The following PRDM1 variants were observed in gnomAD, a reference collection of about 807,000 sequenced individuals.
The protein encoded by PRDM1 is PR domain zinc finger protein 1.
Under a neutral mutation model 62.8 loss-of-function variants are expected in PRDM1, and 13 were observed. The observed-to-expected ratio is 0.21, with a 90% confidence interval of 0.13 to 0.33. The LOEUF (loss-of-function observed/expected upper bound fraction) is 0.33. Ranked by LOEUF, PRDM1 falls within the 10% of genes least tolerant of loss-of-function variation. The pLI, the probability that PRDM1 is intolerant of heterozygous loss-of-function variation, is 1.00. For synonymous variants in PRDM1, 396 were observed against 417.6 expected (o/e 0.95, Z 0.63); for missense variants, 895 against 1,058.8 (o/e 0.85, Z 2.15).
rs181318154 is a variant in PRDM1 at position 106,052,003 on chromosome 6, A to C, written c.-67+3289A>C. ...CAAGTTCATAGACACAGAAAGTAGA[A>C]TAGAGGTTACCAGGGACTAGGGGTA... On this transcript the variant is annotated intron_variant, in intron 1 of 6. Coordinates refer to the PRDM1 transcript ENST00000651185. 1.2e-3 allele frequency among the ~76,000 whole-genome samples: 181 copies of C among 152,338 alleles called. 1 individual carries two copies. Among genetic ancestry groups the C allele is most frequent in the Non-Finnish European group, 1.7e-3 (118 of 68,028 alleles).
At position 106,105,173 on chromosome 6, in the gene PRDM1, C is replaced by G. The variant is rs1467532151; in HGVS notation, c.1013C>G (p.Ser338Cys). Residue 338 changes from serine (S) to cysteine (C), a missense_variant, in exon 5 of 7, where the codon TCT (serine) becomes TGT (cysteine). Coordinates refer to ENST00000369096, the MANE Select transcript of PRDM1 (RefSeq NM_001198.4). ...CCATCCTCCACCACTCCAAGCCCCT[C>G]TGCAAGAAGCAGCCCCGACCAAAGC... ...PIPSSTTPSP[S>C]ARSSPDQSLK... The G allele has an allele frequency of 6.2e-7, 1 of 1,613,298 alleles. No individual in the cohort carries two copies. Among genetic ancestry groups the G allele is most frequent in the Non-Finnish European group, 8.5e-7 (1 of 1,179,744 alleles).
chr6:106,039,552 C>T (rs764639692), intron 1 of PRDM1, among the ~76,000 whole-genome samples: 8 of 152,100 alleles, frequency 5.3e-5, no homozygotes, highest in Non-Finnish European at 1.0e-4. Context: ...GTCTATATTC[C>T]TAAACCCACT....
intron 1 of PRDM1, among the ~76,000 whole-genome samples, chr6:106,051,674 CA>C (rs1460713192): frequency 6.6e-6 from 1 of 152,112 alleles, no homozygotes; most frequent in Non-Finnish European, 1.5e-5. Context: ...GAGTAGGCCA[CA>C]ACAAGGCTTG....
chr6:106,099,492 C>G lies in PRDM1; in HGVS notation c.604C>G (p.Arg202Gly). 6.2e-7 allele frequency: 1 copy of G among 1,614,106 alleles called. No homozygotes were observed. Among genetic ancestry groups the G allele is most frequent in the Non-Finnish European group, 8.5e-7 (1 of 1,180,010 alleles). The change falls in exon 4 of 7, where the codon CGG becomes GGG. Residue 202 changes from arginine (R) to glycine (G), a missense_variant. Arg to Gly is a moderately radical substitution (Grantham distance 125). Around this residue, in one of 4 missense-constraint regions of PRDM1, gnomAD observed 213 missense variants for 283.9 expected, o/e 0.75. Coordinates refer to ENST00000369096, the MANE Select transcript of PRDM1 (RefSeq NM_001198.4). ...CCAGGAACTTCTTGTGTGGTATTGT[C>G]GGGACTTTGCAGAAAGGCTTCACTA... Reference protein sequence around the residue: ...ANQELLVWYCRDFAERLHYPY... With the variant: ...ANQELLVWYCGDFAERLHYPY...
intron 3 of PRDM1, among the ~76,000 whole-genome samples, chr6:106,097,557 A>T (rs1395445991): frequency 6.6e-6 from 1 of 152,228 alleles, no homozygotes; most frequent in Non-Finnish European, 1.5e-5. Context: ...AACCAGTGAC[A>T]TTTCTTGTAA....
intron 1 of PRDM1, among the ~76,000 whole-genome samples, chr6:106,013,420 C>T (rs1423690716): frequency 1.3e-5 from 2 of 151,712 alleles, no homozygotes; most frequent in African/African-American, 2.4e-5. Flanking sequence ...CTCCACCTCC[C>T]GGGTTCAAGC....
Position 106,053,160 on chromosome 6 carries a change from T to C in PRDM1, c.-67+4446T>C, listed in dbSNP as rs182366016. On this transcript the variant is annotated intron_variant, in intron 1 of 6. Coordinates refer to the PRDM1 transcript ENST00000651185. The stretch of plus-strand genomic sequence containing the variant: ...GGGAAACTGGACTCAATTTCATTTC[T>C]GCCTTCATCCGATAATTTTTATTTA... 4.6e-5 allele frequency among the ~76,000 whole-genome samples: 7 copies of C among 152,342 alleles called. No homozygotes were observed. The East Asian group carries it at 1.3e-3, about 29-fold the overall frequency.
intron 2 of PRDM1, among the ~76,000 whole-genome samples, chr6:106,090,314 A>G (rs755210419): frequency 6.6e-6 from 1 of 152,232 alleles, no homozygotes; most frequent in Non-Finnish European, 1.5e-5. Context: ...AAAACAGACA[A>G]TGCCTGTGTT....
Position 106,088,237 on chromosome 6 carries a change from C to T in PRDM1, c.79C>T (p.Gln27Ter), listed in dbSNP as rs1354434149. 3.1e-6 allele frequency: 5 copies of T among 1,613,606 alleles called. No homozygotes were observed. The highest frequency in any genetic ancestry group is 1.7e-5 in the Admixed American group (1 of 59,952). Residue 27 changes from glutamine (Q) to a stop codon, truncating the protein, a stop_gained, in exon 2 of 7, where the codon CAG (glutamine) becomes TAG (stop). Coordinates refer to ENST00000369096, the MANE Select transcript of PRDM1 (RefSeq NM_001198.4). LOFTEE classifies it high-confidence loss of function. ...GTGTAACTCCAGCACTGTGAGGTTT[C>T]AGGGATTGGCAGAGGGGACCAAGGG... ...PKCNSSTVRF[Q>*]GLAEGTKGTM...
chr6:106,058,120 A>G (rs1773292383), intron 1 of PRDM1, among the ~76,000 whole-genome samples: 1 of 152,266 alleles, frequency 6.6e-6, no homozygotes, highest in East Asian at 1.9e-4. Flanking sequence ...TCAACTCTCA[A>G]ATGACTCTTG....
At position 106,061,375 on chromosome 6, in the gene PRDM1, T is replaced by C. The variant is rs1430975300; in HGVS notation, c.-67+12661T>C. On this transcript the variant is annotated intron_variant, in intron 1 of 6. Coordinates refer to the PRDM1 transcript ENST00000651185. ...GCCTTCCAGCAGTTCAGCAGTTAGA[T>C]GGTTCCACTGATCCGGACTGAGTGC... is the stretch of plus-strand genomic sequence containing the variant. Among the ~76,000 whole-genome samples the C allele has an allele frequency of 2.0e-5, 3 of 151,262 alleles. No homozygotes were observed. In the East Asian group the frequency reaches 5.9e-4, roughly 30 times the overall value.
chr6:106,021,782 G>T (rs150335773), intron 1 of PRDM1, among the ~76,000 whole-genome samples: 1 of 151,932 alleles, frequency 6.6e-6, no homozygotes, highest in East Asian at 1.9e-4. Flanking sequence ...CACCACGCCC[G>T]GCTAATTTTG....
At chr6:105,999,918 AT>A (rs1320893321) in intron 1 of PRDM1, among the ~76,000 whole-genome samples, 2 of 152,022 alleles carry the variant, frequency 1.3e-5, no homozygotes, top group Non-Finnish European at 2.9e-5. Flanking sequence ...CAGTGGCGCC[AT>A]CTCGGCTCAC....
intron 1 of PRDM1, among the ~76,000 whole-genome samples, chr6:106,031,469 G>A (rs1772843477): frequency 1.3e-5 from 2 of 152,196 alleles, no homozygotes; most frequent in South Asian, 4.1e-4. Context: ...AAATGAGGAT[G>A]TTGGGGAATT....
intron 1 of PRDM1, among the ~76,000 whole-genome samples, chr6:106,042,805 C>T (rs150877667): frequency 6.3e-4 from 96 of 152,260 alleles, no homozygotes; most frequent in African/African-American, 2.2e-3. Context: ...CTTCATCCAA[C>T]GTTACTTCAC....
intron 1 of PRDM1, among the ~76,000 whole-genome samples, chr6:106,049,642 A>G (rs1016768965): frequency 6.6e-6 from 1 of 152,100 alleles, no homozygotes; most frequent in Non-Finnish European, 1.5e-5. Context: ...CTTCTGTGGC[A>G]TCTATCATTT....
At chr6:105,993,474 C>T (rs1772308250) in exon 1 of PRDM1, among the ~76,000 whole-genome samples, 1 of 152,156 alleles carries the variant, frequency 6.6e-6, no homozygotes, top group Non-Finnish European at 1.5e-5. Flanking sequence ...CTCGGGAAAG[C>T]TTAGTTTGCA....
rs149556668 is a variant in PRDM1 at position 106,107,234 on chromosome 6, C to T, written c.2226C>T (p.Leu742=). The change falls in exon 7 of 7, where the codon CTC becomes CTT. Residue 742 remains leucine (L), a synonymous_variant. Coordinates refer to ENST00000369096, the MANE Select transcript of PRDM1 (RefSeq NM_001198.4). ...KFDISDNADR[L]EDVEDDISVI... is the part of the protein sequence containing the mutation. ...ACATCAGTGACAATGCTGACCGGCT[C>T]GAGGACGTGGAGGATGACATCAGTG... is the stretch of plus-strand genomic sequence containing the variant. 127 of 1,614,038 alleles carry T rather than the reference C, an allele frequency of 7.9e-5. No individual in the cohort carries two copies. Among genetic ancestry groups the T allele is most frequent in the Non-Finnish European group, 1.1e-4 (124 of 1,180,034 alleles).
chr6:106,007,216 G>T (rs1231047626), intron 1 of PRDM1, among the ~76,000 whole-genome samples: 2 of 151,816 alleles, frequency 1.3e-5, no homozygotes, highest in African/African-American at 2.4e-5. Flanking sequence ...CGGATCACGA[G>T]GTCAGGAGTT....
Sources: allele counts gnomAD v4.1 joint callset (sites outside exome capture counted in the v4.1 genomes callset), GRCh38; gene constraint gnomAD v4.1.1; regional missense constraint gnomAD v4.1.1; transcripts MANE v1.5; gene names NCBI Gene and HGNC (gene_info 2026-07-23, HGNC 2026-07-21).